The following ARHGAP15 variants were observed in gnomAD, a reference collection of about 807,000 sequenced individuals.
ARHGAP15 encodes Rho GTPase activating protein 15, also known as rho GTPase-activating protein 15.
ARHGAP15 carries 51 observed loss-of-function variants against 63.7 expected under a neutral mutation model. That is an observed-to-expected ratio of 0.80 (90% CI 0.64 to 1.01). The LOEUF (loss-of-function observed/expected upper bound fraction) is 1.01. ARHGAP15 is among the 50% of genes least tolerant of loss of function. The probability of loss-of-function intolerance (pLI) is 0.00; values close to 1 mark genes in which losing one functional copy is unlikely to be tolerated. For missense variants in ARHGAP15, 560 were observed against 564.6 expected (o/e 0.99, Z 0.08); for synonymous variants, 191 against 193.8 (o/e 0.99, Z 0.12).
intron 3 of ARHGAP15, among the ~76,000 whole-genome samples, chr2:143,212,230 C>T (rs746982963): frequency 4.6e-5 from 7 of 152,216 alleles, no homozygotes; most frequent in Non-Finnish European, 7.3e-5. Context: ...TTCTGCTCCC[C>T]TGTCTTGTCT....
chr2:143,545,976 T>C (rs1448852745), intron 10 of ARHGAP15, among the ~76,000 whole-genome samples: 1 of 152,152 alleles, frequency 6.6e-6, no homozygotes, highest in Non-Finnish European at 1.5e-5. Context: ...AAGCTGCCTG[T>C]AAGTGTTTTG....
chr2:143,161,131 C>A (rs1406875364), intron 2 of ARHGAP15, among the ~76,000 whole-genome samples: 1 of 151,976 alleles, frequency 6.6e-6, no homozygotes, highest in Non-Finnish European at 1.5e-5. Flanking sequence ...GAATAATTGA[C>A]AACAAATGAA....
chr2:143,140,910 G>T (rs754717849), intron 1 of ARHGAP15, among the ~76,000 whole-genome samples: 1 of 152,188 alleles, frequency 6.6e-6, no homozygotes, highest in Non-Finnish European at 1.5e-5. Flanking sequence ...CCTATGGCCA[G>T]CTGGCATTGA....
intron 6 of ARHGAP15, among the ~76,000 whole-genome samples, chr2:143,376,982 TAAAC>T (rs1256127059): frequency 1.3e-5 from 2 of 152,124 alleles, no homozygotes; most frequent in Non-Finnish European, 2.9e-5. Context: ...CAGTAAGTAA[TAAAC>T]AAGAACTTCA....
chr2:143,735,186 C>G (rs56127729), intron 13 of ARHGAP15, among the ~76,000 whole-genome samples: 11,804 of 152,128 alleles, frequency 0.078, 623 homozygotes, highest in East Asian at 0.26. Context: ...CTGGATCAAT[C>G]TATTTGATAC....
intron 6 of ARHGAP15, among the ~76,000 whole-genome samples, chr2:143,379,056 G>T (rs1370972870): frequency 6.6e-6 from 1 of 151,784 alleles, no homozygotes. Flanking sequence ...TCAAAAATTT[G>T]CAAGTTAAGC....
chr2:143,221,941 G>T (rs1484169286), intron 4 of ARHGAP15, among the ~76,000 whole-genome samples: 1 of 152,150 alleles, frequency 6.6e-6, no homozygotes, highest in Non-Finnish European at 1.5e-5. Context: ...TTTAACAGTT[G>T]TTATTCAGAA....
chr2:143,172,113 A>G (rs1690804654), intron 2 of ARHGAP15: 1 of 152,164 alleles, frequency 6.6e-6, no homozygotes, highest in South Asian at 2.1e-4. Context: ...TCTTTTAAAT[A>G]GCTTCCATGG....
At chr2:143,303,117 C>A (rs1448170450) in intron 6 of ARHGAP15, among the ~76,000 whole-genome samples, 1 of 151,948 alleles carries the variant, frequency 6.6e-6, no homozygotes, top group African/African-American at 2.4e-5. Context: ...GACTTCATGA[C>A]TAAAACACCA....
intron 2 of ARHGAP15, among the ~76,000 whole-genome samples, chr2:143,193,143 A>G (rs961061492): frequency 1.3e-5 from 2 of 152,230 alleles, no homozygotes; most frequent in Non-Finnish European, 2.9e-5. Flanking sequence ...TCAGGGAAGC[A>G]CAGAGGACAG....
At chr2:143,751,693 C>A (rs1039657934) in intron 13 of ARHGAP15, among the ~76,000 whole-genome samples, 2 of 152,200 alleles carry the variant, frequency 1.3e-5, no homozygotes, top group East Asian at 3.9e-4. Flanking sequence ...TGTCCCAGAC[C>A]CTCATCCATG....
chr2:143,564,744 C>A (rs1696156168), intron 11 of ARHGAP15, among the ~76,000 whole-genome samples: 1 of 152,150 alleles, frequency 6.6e-6, no homozygotes, highest in Admixed American at 6.5e-5. Context: ...CTTTTATGAA[C>A]TGCTTCATTA....
intron 6 of ARHGAP15, among the ~76,000 whole-genome samples, chr2:143,432,461 AC>A (rs1397720892): frequency 6.6e-6 from 1 of 152,042 alleles, no homozygotes; most frequent in Non-Finnish European, 1.5e-5. Flanking sequence ...AAAATCTAAA[AC>A]GCAAATTTCT....
At chr2:143,222,902 G>C (rs1693054126) in intron 4 of ARHGAP15, among the ~76,000 whole-genome samples, 1 of 152,072 alleles carries the variant, frequency 6.6e-6, no homozygotes, top group Non-Finnish European at 1.5e-5. Context: ...CCCAATTGTA[G>C]TTAGCACCCC....
chr2:143,177,363 A>G (rs1196801959), intron 2 of ARHGAP15, among the ~76,000 whole-genome samples: 1 of 152,156 alleles, frequency 6.6e-6, no homozygotes, highest in Non-Finnish European at 1.5e-5. Context: ...GCAAAGTTAG[A>G]ATTTGGACAG....
In ARHGAP15 at chr2:143,626,984, C is replaced by T. The variant is rs528857573; in HGVS notation, c.1138+2717C>T. ...GAGCCCTCATGAGTGGGATTAGTGG[C>T]CTTGTAAAAGAAGCCCAAGAGAAAC... On this transcript the variant is annotated intron_variant, in intron 12 of 13. Transcript: ENST00000295095. 7.9e-5 allele frequency among the ~76,000 whole-genome samples: 12 copies of T among 152,206 alleles called. No individual in the cohort carries two copies. The East Asian group carries it at 2.1e-3, about 27-fold the overall frequency.
chr2:143,413,966 T>TGCGCGCGCGC (rs1553476592), intron 6 of ARHGAP15, among the ~76,000 whole-genome samples: 2,004 of 117,814 alleles, frequency 0.017, 30 homozygotes, highest in Admixed American at 0.024. Flanking sequence ...TGTGTGTGTG[T>TGCGCGCGCGC]GCGCGCTCTC....
At chr2:143,461,983 T>C (rs965256504) in intron 8 of ARHGAP15, among the ~76,000 whole-genome samples, 3 of 151,886 alleles carry the variant, frequency 2.0e-5, no homozygotes, top group Non-Finnish European at 4.4e-5. Context: ...CAAAACCCCA[T>C]CTCTACAAAA....
intron 6 of ARHGAP15, among the ~76,000 whole-genome samples, chr2:143,391,208 TG>T (rs1687525314): frequency 6.6e-6 from 1 of 152,226 alleles, no homozygotes; most frequent in Non-Finnish European, 1.5e-5. Context: ...TTAGGCAGTA[TG>T]TGGCATTAAT....
Sources: gnomAD v4.1 joint callset for allele counts (sites outside exome capture counted in the v4.1 genomes callset) on GRCh38, gnomAD v4.1.1 for gene constraint, MANE v1.5 for transcripts, NCBI Gene and HGNC (gene_info 2026-07-23, HGNC 2026-07-21) for gene names.